EML4: variants seen among roughly 807,000 people sequenced by gnomAD.
EML4 encodes the protein echinoderm microtubule-associated protein-like 4.
A neutral mutation model predicts 129.0 loss-of-function variants in EML4; 72 were observed. That is an observed-to-expected ratio of 0.56 (90% CI 0.46 to 0.68). The LOEUF (loss-of-function observed/expected upper bound fraction) is 0.68, where lower values mean the gene tolerates loss of function less well. Ranked by LOEUF, EML4 falls within the 30% of genes least tolerant of loss-of-function variation. EML4 has a pLI of 0.00. For synonymous variants in EML4, 532 were observed against 405.0 expected, an observed-to-expected ratio of 1.31 and a Z score of -3.77; for missense variants, 1,363 against 1,190.6, an observed-to-expected ratio of 1.14 and a Z score of -2.13.
At chr2:42,201,093 C>T (rs1009860796) in intron 1 of EML4, among the ~76,000 whole-genome samples, 3 of 152,098 alleles carry the variant, frequency 2.0e-5, no homozygotes, top group Admixed American at 6.5e-5. Flanking sequence ...TCAATCAAGT[C>T]GAATTTCTGA....
Position 42,326,239 on chromosome 2 carries a change from A to G in EML4, c.2328A>G (p.Gly776=). 6.2e-7 allele frequency: 1 copy of G among 1,610,594 alleles called. No individual in the cohort carries two copies. The highest frequency in any genetic ancestry group is 8.5e-7 in the Non-Finnish European group (1 of 1,177,988). Residue 776 remains glycine, a synonymous_variant, in exon 21 of 23, where the codon GGA becomes GGG. Coordinates refer to ENST00000318522, the MANE Select transcript of EML4 (RefSeq NM_019063.5). ...IDWTTYTCVL[G]FQVFGVWPEG... ...GGACGACATATACCTGTGTGCTAGG[A>G]TTTCAAGTATTTGGTAAGGAAATGA...
At chr2:42,207,275 T>C (rs1196274675) in intron 1 of EML4, among the ~76,000 whole-genome samples, 1 of 152,186 alleles carries the variant, frequency 6.6e-6, no homozygotes, top group Non-Finnish European at 1.5e-5. Context: ...TATATCTATG[T>C]ATACACATAC....
intron 1 of EML4, among the ~76,000 whole-genome samples, chr2:42,235,549 TCTAAC>T (rs1450953946): frequency 6.6e-6 from 1 of 152,202 alleles, no homozygotes. Context: ...GCTTCTCTAA[TCTAAC>T]CTAATCTTCT....
intron 1 of EML4, among the ~76,000 whole-genome samples, chr2:42,205,518 A>G (rs13002465): frequency 1.2e-4 from 19 of 152,016 alleles, no homozygotes; most frequent in Admixed American, 4.6e-4. Context: ...TGGCTTACCT[A>G]ACTCACAGTA....
intron 1 of EML4, among the ~76,000 whole-genome samples, chr2:42,181,798 A>G (rs902242676): frequency 6.6e-6 from 1 of 152,120 alleles, no homozygotes; most frequent in Non-Finnish European, 1.5e-5. Context: ...CTCCAGCCCT[A>G]GAATCAGCCA....
chr2:42,303,002 G>A lies in EML4; in HGVS notation c.1642-102G>A, dbSNP rs569566698. 1,525 of 1,230,924 alleles carry A rather than the reference G, an allele frequency of 1.2e-3. 23 individuals are homozygous for A. The South Asian group carries it at 0.02, about 16-fold the overall frequency. The allele number at this position is 1,230,924 out of a possible 1,614,324, so 76.3% of individuals were successfully genotyped here. On this transcript the variant is annotated intron_variant, in intron 14 of 22. Transcript: ENST00000318522. ...TTACCATATCCAAATTTGGGCTTTC[G>A]TCATAATTACCTCATAATTGCTTAC...
intron 13 of EML4, among the ~76,000 whole-genome samples, chr2:42,295,874 A>C (rs894042049): frequency 6.6e-6 from 1 of 152,194 alleles, no homozygotes; most frequent in African/African-American, 2.4e-5. Flanking sequence ...ATAAAATGGA[A>C]GAGTGGAGAG....
chr2:42,218,159 C>T (rs1033848407), intron 1 of EML4, among the ~76,000 whole-genome samples: 7 of 152,246 alleles, frequency 4.6e-5, no homozygotes, highest in African/African-American at 1.4e-4. Context: ...GCTTTGCCTT[C>T]TGTCAGATCA....
intron 1 of EML4, among the ~76,000 whole-genome samples, chr2:42,221,403 CTTTTTTTTT>C (rs74816568): frequency 0.39 from 42,321 of 108,900 alleles, 7,713 homozygotes; most frequent in African/African-American, 0.54. Context: ...ACATGGTTTA[CTTTTTTTTT>C]TTTTTTTTTT....
chr2:42,218,501 A>G lies in EML4; in HGVS notation c.26-27004A>G, dbSNP rs117943105. Among the ~76,000 whole-genome samples, 205 of 152,284 alleles carry G rather than the reference A, an allele frequency of 1.3e-3. 2 individuals carry two copies. The East Asian group carries it at 0.036, about 27-fold the overall frequency. On this transcript the variant is annotated intron_variant, in intron 1 of 22. Coordinates refer to ENST00000318522, the MANE Select transcript of EML4 (RefSeq NM_019063.5). ...CCACGAAACCTGTCCCTGGTATCAA[A>G]AAGTTGTAGACTGCTGCCCTAGAGT...
At chr2:42,224,994 G>A (rs1471309508) in intron 1 of EML4, among the ~76,000 whole-genome samples, 1 of 151,976 alleles carries the variant, frequency 6.6e-6, no homozygotes, top group Non-Finnish European at 1.5e-5. Context: ...TGGTATAAGT[G>A]GAAACATACA....
At chr2:42,189,803 C>A (rs1043961669) in intron 1 of EML4, among the ~76,000 whole-genome samples, 4 of 151,988 alleles carry the variant, frequency 2.6e-5, no homozygotes, top group African/African-American at 9.7e-5. Flanking sequence ...TTTTCATTTG[C>A]TGTTGTTCTC....
At chr2:42,221,402 A>ATTTTTTTTTTT (rs1450348385) in intron 1 of EML4, among the ~76,000 whole-genome samples, 2 of 75,612 alleles carry the variant, frequency 2.6e-5, no homozygotes, top group African/African-American at 1.1e-4. Flanking sequence ...AACATGGTTT[A>ATTTTTTTTTTT]CTTTTTTTTT....
At chr2:42,327,983 C>A (rs1013353008) in intron 21 of EML4, among the ~76,000 whole-genome samples, 1 of 152,092 alleles carries the variant, frequency 6.6e-6, no homozygotes, top group East Asian at 1.9e-4. Context: ...GACAGAGAAG[C>A]CTAATAGGCC....
chr2:42,325,166 G>A (rs2103825679), intron 19 of EML4: 1 of 528,618 alleles, frequency 1.9e-6, no homozygotes, highest in East Asian at 5.1e-5. Flanking sequence ...AAGGCCAGAG[G>A]GTGTGGTATG....
intron 19 of EML4, among the ~76,000 whole-genome samples, chr2:42,318,167 C>A (rs1558608008): frequency 6.6e-6 from 1 of 152,314 alleles, no homozygotes; most frequent in African/African-American, 2.4e-5. Flanking sequence ...CAGTCCAACT[C>A]AGGCCAGGAA....
intron 2 of EML4, among the ~76,000 whole-genome samples, chr2:42,252,119 G>C (rs1675813635): frequency 1.3e-5 from 2 of 152,212 alleles, no homozygotes; most frequent in Admixed American, 1.3e-4. Context: ...TAGCAAGAAG[G>C]ATTTCAGATT....
At chr2:42,207,373 A>G (rs1035852481) in intron 1 of EML4, among the ~76,000 whole-genome samples, 2 of 152,152 alleles carry the variant, frequency 1.3e-5, no homozygotes, top group Non-Finnish European at 1.5e-5. Flanking sequence ...CTTAAGGGTG[A>G]TTGGAGTGTC....
chr2:42,318,707 G>GTTTTTTTTCTGT (rs777176632), intron 19 of EML4, among the ~76,000 whole-genome samples: 1 of 151,190 alleles, frequency 6.6e-6, no homozygotes, highest in Non-Finnish European at 1.5e-5. Flanking sequence ...TTTTTGTTTT[G>GTTTTTTTTCTGT]TTTTGTTTTC....
Sources: allele counts gnomAD v4.1 joint callset (sites outside exome capture counted in the v4.1 genomes callset), GRCh38; gene constraint gnomAD v4.1.1; transcripts MANE v1.5; gene names NCBI Gene and HGNC (gene_info 2026-07-23, HGNC 2026-07-21).